RNGTT: variants seen among roughly 807,000 people sequenced by gnomAD.
RNGTT encodes RNA guanylyltransferase and 5'-phosphatase, also known as mRNA-capping enzyme.
Under a neutral mutation model 79.3 loss-of-function variants are expected in RNGTT, and 33 were observed. The observed-to-expected ratio is 0.42, with a 90% CI of 0.32 to 0.56. RNGTT has a LOEUF of 0.56. Among genes scored for constraint, RNGTT ranks in the 20% least tolerant of loss-of-function variants. RNGTT has a pLI of 0.17. For synonymous variants in RNGTT, 222 were observed against 235.9 expected, an observed-to-expected ratio of 0.94 and a Z score of 0.54; for missense variants, 497 against 739.1, an observed-to-expected ratio of 0.67 and a Z score of 3.80.
intron 12 of RNGTT, among the ~76,000 whole-genome samples, chr6:88,794,936 T>TCACC (rs1779544731): frequency 6.6e-6 from 1 of 152,132 alleles, no homozygotes. Context: ...TCTCTTAGAC[T>TCACC]GGTGGCCTCA....
intron 13 of RNGTT, among the ~76,000 whole-genome samples, chr6:88,711,496 T>C (rs1776317084): frequency 6.6e-6 from 1 of 152,226 alleles, no homozygotes; most frequent in Non-Finnish European, 1.5e-5. Flanking sequence ...TTATATAGAC[T>C]CCCTTTACAA....
intron 8 of RNGTT, among the ~76,000 whole-genome samples, chr6:88,869,227 T>C (rs1003327730): frequency 5.9e-5 from 9 of 152,192 alleles, no homozygotes; most frequent in African/African-American, 1.9e-4. Context: ...AACATAAAAT[T>C]AGATCAAGTT....
intron 6 of RNGTT, among the ~76,000 whole-genome samples, chr6:88,894,127 T>G (rs1783146054): frequency 6.6e-6 from 1 of 152,102 alleles, no homozygotes; most frequent in Non-Finnish European, 1.5e-5. Context: ...GGGGAGAAAA[T>G]AAAATCTTTT....
intron 11 of RNGTT, among the ~76,000 whole-genome samples, chr6:88,825,341 G>A (rs1303301015): frequency 6.6e-6 from 1 of 152,188 alleles, no homozygotes; most frequent in East Asian, 1.9e-4. Flanking sequence ...CTACCACATG[G>A]GTGGAGGTAC....
chr6:88,768,865 GA>G (rs1326645033), intron 13 of RNGTT, among the ~76,000 whole-genome samples: 1 of 152,006 alleles, frequency 6.6e-6, no homozygotes, highest in Non-Finnish European at 1.5e-5. Context: ...GTCATAAAAG[GA>G]AGATTAACCA....
chr6:88,748,905 T>G (rs1292209856), intron 13 of RNGTT, among the ~76,000 whole-genome samples: 1 of 151,910 alleles, frequency 6.6e-6, no homozygotes, highest in African/African-American at 2.4e-5. Flanking sequence ...AGGCTCATCA[T>G]AGTAAATCTA....
chr6:88,625,775 A>G (rs1772607077), intron 14 of RNGTT, among the ~76,000 whole-genome samples: 1 of 151,912 alleles, frequency 6.6e-6, no homozygotes, highest in Non-Finnish European at 1.5e-5. Flanking sequence ...AACAAGAAAC[A>G]GGTCAGTTAA....
chr6:88,741,420 G>A lies in RNGTT; in HGVS notation c.1439+28354C>T, dbSNP rs574453643. ...CATGGACATAAAGATGGTAACCATA[G>A]ACAATGGGGGACTCAAGGGAAGGGA... On this transcript the variant is annotated intron_variant, in intron 13 of 15. Transcript: ENST00000369485. 8.4e-4 allele frequency among the ~76,000 whole-genome samples: 128 copies of A among 152,176 alleles called. 5 individuals are homozygous for A. In the South Asian group the frequency reaches 0.026, roughly 31 times the overall value.
chr6:88,851,981 C>T (rs1781689122), intron 9 of RNGTT, among the ~76,000 whole-genome samples: 1 of 151,840 alleles, frequency 6.6e-6, no homozygotes, highest in South Asian at 2.1e-4. Context: ...GCATTATTTC[C>T]TACCTAGAAT....
chr6:88,928,750 C>G (rs139329785), intron 4 of RNGTT, among the ~76,000 whole-genome samples: 6 of 152,234 alleles, frequency 3.9e-5, no homozygotes, highest in African/African-American at 1.4e-4. Context: ...TTAGGATAGA[C>G]TTTCCCAACA....
intron 8 of RNGTT, among the ~76,000 whole-genome samples, chr6:88,885,781 G>C (rs1455227964): frequency 3.3e-5 from 5 of 152,186 alleles, no homozygotes; most frequent in Admixed American, 3.3e-4. Context: ...CATCAATCTG[G>C]CACACACCAA....
At chr6:88,899,936 C>A (rs1005050311) in intron 6 of RNGTT, among the ~76,000 whole-genome samples, 2 of 152,062 alleles carry the variant, frequency 1.3e-5, no homozygotes, top group African/African-American at 4.8e-5. Flanking sequence ...AAGAGCAGAG[C>A]AAAAATAGAC....
At chr6:88,810,783 A>C (rs1165337489) in intron 11 of RNGTT, among the ~76,000 whole-genome samples, 1 of 152,172 alleles carries the variant, frequency 6.6e-6, no homozygotes, top group African/African-American at 2.4e-5. Flanking sequence ...TACTAAGCTA[A>C]GTTTTTCATA....
chr6:88,938,154 G>A (rs1043029158), intron 2 of RNGTT, among the ~76,000 whole-genome samples: 2 of 152,034 alleles, frequency 1.3e-5, no homozygotes, highest in African/African-American at 2.4e-5. Context: ...ACTATTATAC[G>A]GGAGACTGTA....
intron 8 of RNGTT, among the ~76,000 whole-genome samples, chr6:88,873,209 C>G (rs1037890154): frequency 6.6e-6 from 1 of 152,198 alleles, no homozygotes; most frequent in South Asian, 2.1e-4. Context: ...AGCTTCCAAG[C>G]AGCTTCTCTG....
intron 14 of RNGTT, among the ~76,000 whole-genome samples, chr6:88,641,006 C>T (rs1399905219): frequency 6.6e-6 from 1 of 151,956 alleles, no homozygotes; most frequent in African/African-American, 2.4e-5. Flanking sequence ...ACCATGTTTC[C>T]AGTTGGATAA....
rs79355524 is a variant in RNGTT at position 88,777,002 on chromosome 6, T to C, written c.1339-7128A>G. Among the ~76,000 whole-genome samples, 357 of 152,328 alleles carry C rather than the reference T, an allele frequency of 2.3e-3. 9 individuals are homozygous for C. In the East Asian group the frequency reaches 0.051, roughly 22 times the overall value. On this transcript the variant is annotated intron_variant, in intron 12 of 15. Coordinates refer to ENST00000369485, the MANE Select transcript of RNGTT (RefSeq NM_003800.5). ...AGTTTCAAGTGTTACAGTTAGGCAT[T>C]TGATCTATTTTAAGTGGATTTTTGT...
chr6:88,953,403 T>C (rs1464640688), intron 1 of RNGTT, among the ~76,000 whole-genome samples: 1 of 151,982 alleles, frequency 6.6e-6, no homozygotes, highest in Non-Finnish European at 1.5e-5. Flanking sequence ...GCTTTCAAAT[T>C]AACCCAATCA....
At chr6:88,744,353 C>G (rs1358351980) in intron 13 of RNGTT, among the ~76,000 whole-genome samples, 1 of 152,060 alleles carries the variant, frequency 6.6e-6, no homozygotes, top group East Asian at 1.9e-4. Flanking sequence ...CCTCCACCTC[C>G]CGGGTTTAAG....
Sources: gnomAD v4.1 joint callset for allele counts (sites outside exome capture counted in the v4.1 genomes callset) on GRCh38, gnomAD v4.1.1 for gene constraint, MANE v1.5 for transcripts, NCBI Gene and HGNC (gene_info 2026-07-23, HGNC 2026-07-21) for gene names.